The following DPYD variants were observed in gnomAD, a reference collection of about 807,000 sequenced individuals.
DPYD encodes the protein dihydropyrimidine dehydrogenase.
A neutral mutation model predicts 116.2 loss-of-function variants in DPYD; 109 were observed. The observed-to-expected ratio is 0.94, with a 90% CI of 0.80 to 1.10. The LOEUF (loss-of-function observed/expected upper bound fraction) is 1.10. DPYD is among the 50% of genes least tolerant of loss of function. The pLI is 0.00. For missense variants in DPYD, 1,302 were observed against 1,254.5 expected, an observed-to-expected ratio of 1.04 and a Z score of -0.57; for synonymous variants, 440 against 432.0, an observed-to-expected ratio of 1.02 and a Z score of -0.23.
chr1:97,475,929 A>G (rs11165879), intron 13 of DPYD, among the ~76,000 whole-genome samples: 94,993 of 152,066 alleles, frequency 0.62, 30,331 homozygotes, highest in East Asian at 0.79. Context: ...ATACCTATAC[A>G]TTGTTGAGTT....
At chr1:97,215,523 C>T (rs1357225069) in intron 19 of DPYD, among the ~76,000 whole-genome samples, 2 of 152,170 alleles carry the variant, frequency 1.3e-5, no homozygotes, top group African/African-American at 4.8e-5. Flanking sequence ...TTCTCTACCT[C>T]CCAGGCTATT....
chr1:97,505,740 A>T (rs76563222), intron 13 of DPYD, among the ~76,000 whole-genome samples: 3 of 151,962 alleles, frequency 2.0e-5, no homozygotes, highest in Non-Finnish European at 4.4e-5. Flanking sequence ...AAATACATCA[A>T]ATCTTGCCCA....
intron 2 of DPYD, among the ~76,000 whole-genome samples, chr1:97,832,045 T>TTTTGTG (rs373676873): frequency 6.0e-5 from 8 of 133,950 alleles, no homozygotes; most frequent in Admixed American, 2.3e-4. Flanking sequence ...ATATAATGTA[T>TTTTGTG]TGTGTGTGTG....
At chr1:97,302,701 G>A (rs957030637) in intron 18 of DPYD, among the ~76,000 whole-genome samples, 7 of 151,992 alleles carry the variant, frequency 4.6e-5, no homozygotes, top group Admixed American at 6.6e-5. Flanking sequence ...TAAAAAGTGC[G>A]TTTTACATTA....
intron 4 of DPYD, among the ~76,000 whole-genome samples, chr1:97,724,595 C>T (rs1197711150): frequency 6.6e-6 from 1 of 151,390 alleles, no homozygotes; most frequent in Non-Finnish European, 1.5e-5. Flanking sequence ...ATGTGTTTTT[C>T]AGGGTAGAGC....
chr1:97,087,475 AG>A (rs1263388595), intron 21 of DPYD, among the ~76,000 whole-genome samples: 1 of 152,192 alleles, frequency 6.6e-6, no homozygotes, highest in African/African-American at 2.4e-5. Flanking sequence ...TTGGCCGGCG[AG>A]GGTGAGAGAA....
intron 8 of DPYD, among the ~76,000 whole-genome samples, chr1:97,625,980 CAAAT>C (rs2100781767): frequency 6.6e-6 from 1 of 152,074 alleles, no homozygotes; most frequent in African/African-American, 2.4e-5. Context: ...TCTGTCAATA[CAAAT>C]AAATAATTGT....
intron 20 of DPYD, among the ~76,000 whole-genome samples, chr1:97,142,281 G>T (rs17702702): frequency 6.6e-6 from 1 of 151,960 alleles, no homozygotes; most frequent in Admixed American, 6.6e-5. Context: ...GTTAGACTTT[G>T]GCAAGCATTT....
intron 19 of DPYD, among the ~76,000 whole-genome samples, chr1:97,207,750 T>C (rs1433974317): frequency 6.6e-6 from 1 of 151,992 alleles, no homozygotes; most frequent in Non-Finnish European, 1.5e-5. Flanking sequence ...AAGGAAAAGG[T>C]CTTCTATCTT....
At position 97,374,952 on chromosome 1, in the gene DPYD, C is replaced by T. The variant is rs138635313; in HGVS notation, c.1975-1308G>A. Among the ~76,000 whole-genome samples the T allele has an allele frequency of 9.4e-3, 1,379 of 146,990 alleles. 11 individuals are homozygous for T. Among genetic ancestry groups the T allele is most frequent in the South Asian group, 0.019 (88 of 4,674 alleles). ...GCTGAGGCAGGAGAATCGCTTGAAC[C>T]TGGGAGGCGGAGGTGGCAGTGAGCT... On this transcript the variant is annotated intron_variant, in intron 15 of 22. Transcript: ENST00000370192.
intron 1 of DPYD, among the ~76,000 whole-genome samples, chr1:97,894,248 A>C (rs922049987): frequency 1.2e-4 from 18 of 151,812 alleles, no homozygotes; most frequent in Non-Finnish European, 4.4e-5. Context: ...GTCTTTTCTT[A>C]TAAGAAGCAC....
intron 11 of DPYD, among the ~76,000 whole-genome samples, chr1:97,559,305 G>A (rs1370514998): frequency 1.3e-5 from 2 of 152,164 alleles, no homozygotes; most frequent in Admixed American, 6.5e-5. Context: ...TAGGAAACCA[G>A]TAGTAAATTA....
chr1:97,228,823 T>A (rs1187770662), intron 19 of DPYD, among the ~76,000 whole-genome samples: 1 of 152,060 alleles, frequency 6.6e-6, no homozygotes, highest in African/African-American at 2.4e-5. Flanking sequence ...GAAAGGATGA[T>A]ATGAGAGAAA....
At chr1:97,470,039 T>C (rs1677553613) in intron 13 of DPYD, among the ~76,000 whole-genome samples, 1 of 152,210 alleles carries the variant, frequency 6.6e-6, no homozygotes, top group South Asian at 2.1e-4. Context: ...AATGTGTTGA[T>C]GTTATTGAGA....
chr1:97,744,244 CA>C (rs1324403251), intron 3 of DPYD, among the ~76,000 whole-genome samples: 1 of 151,950 alleles, frequency 6.6e-6, no homozygotes, highest in African/African-American at 2.4e-5. Flanking sequence ...TGAGGCTAGA[CA>C]GTTTGACTCC....
At chr1:97,655,036 C>A (rs1046701401) in intron 8 of DPYD, among the ~76,000 whole-genome samples, 1 of 152,112 alleles carries the variant, frequency 6.6e-6, no homozygotes, top group Non-Finnish European at 1.5e-5. Flanking sequence ...TATCTCCCAC[C>A]CCGTCCCTCT....
At chr1:97,679,664 A>G (rs922287605) in intron 7 of DPYD, among the ~76,000 whole-genome samples, 3 of 152,140 alleles carry the variant, frequency 2.0e-5, no homozygotes, top group Non-Finnish European at 2.9e-5. Context: ...TGGGATTTCA[A>G]TAGGGCCTTT....
Position 97,509,045 on chromosome 1 carries a change from C to T in DPYD, c.1740+6681G>A, listed in dbSNP as rs377552644. Among the ~76,000 whole-genome samples, 14 of 151,984 alleles carry T rather than the reference C, an allele frequency of 9.2e-5. No individual in the cohort carries two copies. In the East Asian group the frequency reaches 1.4e-3, roughly 15 times the overall value. On this transcript the variant is annotated intron_variant, in intron 13 of 22. Coordinates refer to ENST00000370192, the MANE Select transcript of DPYD (RefSeq NM_000110.4). The stretch of plus-strand genomic sequence containing the variant: ...GCATGTGAATGAAATCATCCAGGAC[C>T]GGCCATCAGCCAGCCACCAAACAGT...
intron 8 of DPYD, among the ~76,000 whole-genome samples, chr1:97,641,128 G>T (rs1657871350): frequency 6.6e-6 from 1 of 152,122 alleles, no homozygotes; most frequent in Non-Finnish European, 1.5e-5. Context: ...AGGCTTGCAT[G>T]GGGGAACATA....
Sources: allele counts gnomAD v4.1 joint callset (sites outside exome capture counted in the v4.1 genomes callset), GRCh38; gene constraint gnomAD v4.1.1; transcripts MANE v1.5; gene names NCBI Gene and HGNC (gene_info 2026-07-23, HGNC 2026-07-21).